The following SYNE2 variants were observed in gnomAD, a reference collection of about 807,000 sequenced individuals.
SYNE2 encodes the protein spectrin repeat containing nuclear envelope protein 2.
A neutral mutation model predicts 856.3 loss-of-function variants in SYNE2; 431 were observed. The ratio of observed to expected loss-of-function variants is 0.50; its 90% CI spans 0.47 to 0.55. SYNE2 has a LOEUF of 0.55. Ranked by LOEUF, SYNE2 falls within the 20% of genes least tolerant of loss-of-function variation. The pLI is 0.00. For synonymous variants in SYNE2, 2,923 were observed against 2,872.3 expected, an observed-to-expected ratio of 1.02 and a Z score of -0.56; for missense variants, 8,129 against 8,023.2, an observed-to-expected ratio of 1.01 and a Z score of -0.50.
chr14:63,881,499 A>G (rs2094863780), intron 1 of SYNE2, among the ~76,000 whole-genome samples: 1 of 151,720 alleles, frequency 6.6e-6, no homozygotes, highest in Admixed American at 6.6e-5. Context: ...AAATAAACAA[A>G]ACAAAACAAT....
chr14:64,090,959 C>G lies in SYNE2; in HGVS notation c.11887C>G (p.Pro3963Ala), dbSNP rs923831373. 3 of 1,614,050 alleles carry G rather than the reference C, an allele frequency of 1.9e-6. No individual in the cohort carries two copies. Among genetic ancestry groups the G allele is most frequent in the South Asian group, 2.2e-5 (2 of 91,076 alleles). The change falls in exon 60 of 116, where the codon CCT becomes GCT. Residue 3963 changes from proline (P) to alanine (A), a missense_variant. Around this residue, in one of 3 missense-constraint regions of SYNE2, gnomAD observed 5,410 missense variants for 5,284.8 expected, o/e 1.02. Coordinates refer to ENST00000555002, the MANE Select transcript of SYNE2 (RefSeq NM_182914.3). ...ELRLPQTGMK[P>A]LPVFQRTNQL... ...GAGGTTGCCCCAAACAGGAATGAAA[C>G]CTCTGCCTGTGTTTCAGCGGACAAA... is the stretch of plus-strand genomic sequence containing the variant.
chr14:63,762,279 C>CA (rs1886511516), intron 1 of SYNE2: 1 of 184,804 alleles, frequency 5.4e-6, no homozygotes, highest in Non-Finnish European at 1.2e-5. Flanking sequence ...ACTAAAAACA[C>CA]AAAAAATTAG....
chr14:64,194,182 C>T (rs1293874183), intron 99 of SYNE2, among the ~76,000 whole-genome samples: 1 of 152,184 alleles, frequency 6.6e-6, no homozygotes. Context: ...CTATGTAGAA[C>T]CCAAGTTGAT....
At position 64,188,718 on chromosome 14, in the gene SYNE2, G is replaced by T. The variant is rs1396195853; in HGVS notation, c.17871+10G>T. 5 of 1,613,876 alleles carry T rather than the reference G, an allele frequency of 3.1e-6. No homozygotes were observed. Among genetic ancestry groups the T allele is most frequent in the Non-Finnish European group, 4.2e-6 (5 of 1,179,968 alleles). On this transcript the variant is annotated intron_variant, in intron 98 of 115. Coordinates refer to ENST00000555002, the MANE Select transcript of SYNE2 (RefSeq NM_182914.3). ...TGAAAAGTTACAGAAGGTAAGGGAGGACACCCAGGTGGATGTAGTTATGAC... is the reference window on the plus strand; with the variant it reads ...TGAAAAGTTACAGAAGGTAAGGGAGTACACCCAGGTGGATGTAGTTATGAC...
At chr14:64,096,197 A>G (rs2097675569) in intron 61 of SYNE2, among the ~76,000 whole-genome samples, 1 of 152,232 alleles carries the variant, frequency 6.6e-6, no homozygotes, top group Non-Finnish European at 1.5e-5. Flanking sequence ...AAACTAAGAC[A>G]CATATTTTTA....
intron 66 of SYNE2, among the ~76,000 whole-genome samples, chr14:64,115,001 G>A (rs1405864964): frequency 6.6e-6 from 1 of 152,176 alleles, no homozygotes; most frequent in Non-Finnish European, 1.5e-5. Context: ...AGGGGAGCCT[G>A]TGAATGCCAT....
intron 98 of SYNE2, among the ~76,000 whole-genome samples, chr14:64,189,668 A>C (rs1157520850): frequency 6.6e-6 from 1 of 152,182 alleles, no homozygotes; most frequent in Non-Finnish European, 1.5e-5. Flanking sequence ...GCTCACTGAA[A>C]AGTTAGCTTC....
At chr14:63,800,702 A>G (rs141413547) in intron 1 of SYNE2, among the ~76,000 whole-genome samples, 2 of 152,338 alleles carry the variant, frequency 1.3e-5, no homozygotes, top group African/African-American at 4.8e-5. Flanking sequence ...CTAGCAAACT[A>G]ATGCAGGAAC....
chr14:63,982,519 CAAAAAAA>C (rs71444636), intron 16 of SYNE2, 104 bp from the exon 17 acceptor site: 10 of 714,534 alleles, frequency 1.4e-5, no homozygotes, highest in African/African-American at 3.3e-5. Context: ...GACTCCATCT[CAAAAAAA>C]AAAAAAAAAA....
intron 65 of SYNE2, among the ~76,000 whole-genome samples, chr14:64,109,944 C>T (rs182192062): frequency 8.4e-4 from 128 of 152,176 alleles, no homozygotes; most frequent in Non-Finnish European, 1.3e-3. Context: ...CATTCTTGAC[C>T]CGTATTACAA....
intron 35 of SYNE2, among the ~76,000 whole-genome samples, chr14:64,020,361 T>C (rs951449524): frequency 3.3e-5 from 5 of 152,238 alleles, no homozygotes; most frequent in Non-Finnish European, 7.3e-5. Context: ...GGAATTTATG[T>C]TGGGTCGTGG....
chr14:64,053,948 G>A (rs2097248893), intron 48 of SYNE2, among the ~76,000 whole-genome samples: 1 of 152,158 alleles, frequency 6.6e-6, no homozygotes, highest in African/African-American at 2.4e-5. Context: ...CAGCCTGGGT[G>A]ACCAAGTGAG....
chr14:63,956,950 T>G (rs1482338926), intron 8 of SYNE2, among the ~76,000 whole-genome samples: 1 of 152,184 alleles, frequency 6.6e-6, no homozygotes, highest in East Asian at 1.9e-4. Flanking sequence ...CTGTGACCAT[T>G]AGCAGTTACT....
chr14:64,161,231 T>TACTTGTGGGGGCTGAG (rs2098327003), intron 87 of SYNE2, among the ~76,000 whole-genome samples: 1 of 151,750 alleles, frequency 6.6e-6, no homozygotes, highest in Admixed American at 6.6e-5. Flanking sequence ...TGGTCCTAGC[T>TACTTGTGGGGGCTGAG]ACTTGTGGGG....
At chr14:63,897,384 C>G (rs1322098797) in intron 1 of SYNE2, among the ~76,000 whole-genome samples, 1 of 152,172 alleles carries the variant, frequency 6.6e-6, no homozygotes. Flanking sequence ...ATTGGCTGTT[C>G]ATTCATTTTA....
At chr14:63,891,395 T>A (rs753168618) in intron 1 of SYNE2, among the ~76,000 whole-genome samples, 2 of 152,050 alleles carry the variant, frequency 1.3e-5, no homozygotes, top group Non-Finnish European at 2.9e-5. Flanking sequence ...GACTAGGAAA[T>A]GTGTGATATA....
chr14:64,138,142 A>G (rs1413019238), intron 79 of SYNE2, 159 bp downstream of exon 79: 7 of 708,724 alleles, frequency 9.9e-6, no homozygotes, highest in Non-Finnish European at 1.7e-5. Context: ...AACGCGATGT[A>G]GAATCTCTGA....
At chr14:63,951,669 C>T (rs1251237042) in intron 7 of SYNE2, among the ~76,000 whole-genome samples, 1 of 152,182 alleles carries the variant, frequency 6.6e-6, no homozygotes, top group African/African-American at 2.4e-5. Context: ...CATACATAAC[C>T]TTATATAGAG....
At chr14:64,191,709 T>C (rs925979431) in intron 99 of SYNE2, among the ~76,000 whole-genome samples, 1 of 152,072 alleles carries the variant, frequency 6.6e-6, no homozygotes, top group African/African-American at 2.4e-5. Flanking sequence ...AAGACAAATA[T>C]TAGGGGGATT....
Sources: gnomAD v4.1 joint callset for allele counts (sites outside exome capture counted in the v4.1 genomes callset) on GRCh38, gnomAD v4.1.1 for gene constraint, gnomAD v4.1.1 regional missense constraint, MANE v1.5 for transcripts, NCBI Gene and HGNC (gene_info 2026-07-23, HGNC 2026-07-21) for gene names.